RBFOX1: variants seen among roughly 807,000 people sequenced by gnomAD.
RBFOX1 encodes the protein RNA binding protein fox-1 homolog 1.
RBFOX1 carries 8 observed loss-of-function variants against 57.7 expected under a neutral mutation model. That is an observed-to-expected ratio of 0.14 (90% CI 0.08 to 0.25). The LOEUF is 0.25. Ranked by LOEUF, RBFOX1 falls within the 10% of genes least tolerant of loss-of-function variation. RBFOX1 has a pLI of 1.00. For missense variants in RBFOX1, 611 were observed against 548.5 expected, an observed-to-expected ratio of 1.11 and a Z score of -1.14; for synonymous variants, 326 against 222.4, an observed-to-expected ratio of 1.47 and a Z score of -4.15.
intron 1 of RBFOX1, among the ~76,000 whole-genome samples, chr16:5,432,559 G>GTTTTTT (rs35344614): frequency 6.4e-5 from 6 of 94,216 alleles, no homozygotes; most frequent in African/African-American, 1.6e-4. Context: ...TTGTTTGTTT[G>GTTTTTT]TTTTTTTTTT....
intron 3 of RBFOX1, among the ~76,000 whole-genome samples, chr16:5,863,310 A>G (rs1158039659): frequency 6.6e-6 from 1 of 152,208 alleles, no homozygotes; most frequent in East Asian, 1.9e-4. Flanking sequence ...GAAGTTTCCC[A>G]CGTCCGTTTT....
intron 2 of RBFOX1, among the ~76,000 whole-genome samples, chr16:6,554,535 A>G (rs866554655): frequency 6.6e-6 from 1 of 152,224 alleles, no homozygotes; most frequent in Non-Finnish European, 1.5e-5. Context: ...TTTATGGTTT[A>G]TGAACTCTAT....
At chr16:6,694,323 T>G (rs138059087) in intron 3 of RBFOX1, among the ~76,000 whole-genome samples, 4 of 152,320 alleles carry the variant, frequency 2.6e-5, no homozygotes, top group Non-Finnish European at 5.9e-5. Context: ...ATTTAAGAGA[T>G]TATCTGGCAT....
Position 7,411,981 on chromosome 16 carries a change from G to T in RBFOX1, c.28-106166G>T, listed in dbSNP as rs946820812. Among the ~76,000 whole-genome samples, 8 of 150,824 alleles carry T rather than the reference G, an allele frequency of 5.3e-5. No individual in the cohort carries two copies. In the East Asian group the frequency reaches 9.8e-4, roughly 19 times the overall value. On this transcript the variant is annotated intron_variant, in intron 4 of 15. Transcript: ENST00000550418. ...AAGAAGAAACTTCAGAGTCACGGCC[G>T]CCCAGATGCCATGTGGTGTCTCAGA...
chr16:7,216,633 G>C (rs1452641829), intron 4 of RBFOX1, among the ~76,000 whole-genome samples: 1 of 151,670 alleles, frequency 6.6e-6, no homozygotes, highest in East Asian at 2.0e-4. Flanking sequence ...ACTCCAGCCT[G>C]GGCAACAGAG....
chr16:5,471,302 G>A (rs867900725), intron 2 of RBFOX1, among the ~76,000 whole-genome samples: 4 of 152,170 alleles, frequency 2.6e-5, no homozygotes, highest in South Asian at 2.1e-4. Context: ...AGGAACCAGC[G>A]TATTGAAAAA....
chr16:6,266,542 C>T (rs1429373860), intron 1 of RBFOX1, among the ~76,000 whole-genome samples: 2 of 151,906 alleles, frequency 1.3e-5, no homozygotes, highest in African/African-American at 4.8e-5. Context: ...GGTGAAACCC[C>T]ATCTCTACTA....
chr16:5,311,398 T>C (rs1250418729), intron 1 of RBFOX1, among the ~76,000 whole-genome samples: 1 of 152,228 alleles, frequency 6.6e-6, no homozygotes, highest in East Asian at 1.9e-4. Context: ...TCATGACTTC[T>C]CTTTTGGGTG....
At chr16:6,551,782 C>T (rs1010920317) in intron 2 of RBFOX1, among the ~76,000 whole-genome samples, 6 of 152,178 alleles carry the variant, frequency 3.9e-5, no homozygotes, top group Admixed American at 2.0e-4. Flanking sequence ...CCTTTTCCAA[C>T]CGGGACGTCA....
chr16:7,230,030 A>AAGGAAGGGAGAGAGAGGG (rs2093405314), intron 4 of RBFOX1, among the ~76,000 whole-genome samples: 2 of 96,112 alleles, frequency 2.1e-5, no homozygotes, highest in Admixed American at 1.3e-4. Context: ...GAGGGGAAGG[A>AAGGAAGGGAGAGAGAGGG]AGGAAGGGAG....
At chr16:6,392,008 G>C (rs146001344) in intron 2 of RBFOX1, among the ~76,000 whole-genome samples, 3 of 152,188 alleles carry the variant, frequency 2.0e-5, no homozygotes, top group African/African-American at 4.8e-5. Flanking sequence ...ATTTTTCTAA[G>C]TGGAGAAGGA....
At chr16:6,448,684 C>G (rs902935477) in intron 2 of RBFOX1, among the ~76,000 whole-genome samples, 1 of 152,134 alleles carries the variant, frequency 6.6e-6, no homozygotes, top group African/African-American at 2.4e-5. Context: ...GCTGTCTACT[C>G]ATGAGACTGT....
At chr16:6,169,591 ATGAGGTACAGAAATTAGAAG>A (rs2096943177) in intron 1 of RBFOX1, among the ~76,000 whole-genome samples, 1 of 152,152 alleles carries the variant, frequency 6.6e-6, no homozygotes, top group Non-Finnish European at 1.5e-5. Flanking sequence ...AAAAAGGGAA[ATGAGGTACAGAAATTAGAAG>A]TGAGGTACAG....
intron 1 of RBFOX1, among the ~76,000 whole-genome samples, chr16:6,266,478 C>T (rs1240928766): frequency 1.3e-5 from 2 of 152,118 alleles, no homozygotes; most frequent in Non-Finnish European, 2.9e-5. Flanking sequence ...TTTTGGGTGG[C>T]CTAGGCAGGC....
At chr16:6,065,451 T>C (rs902829241) in intron 1 of RBFOX1, among the ~76,000 whole-genome samples, 4 of 152,186 alleles carry the variant, frequency 2.6e-5, no homozygotes, top group Admixed American at 6.5e-5. Flanking sequence ...GCTGGCTTTC[T>C]TCATGGTCAT....
At chr16:6,568,152 A>G (rs149800473) in intron 2 of RBFOX1, among the ~76,000 whole-genome samples, 1 of 152,208 alleles carries the variant, frequency 6.6e-6, no homozygotes, top group African/African-American at 2.4e-5. Flanking sequence ...TCCCAAAGTT[A>G]GCCTCTCAAA....
At chr16:6,254,791 A>G (rs1232451188) in intron 1 of RBFOX1, among the ~76,000 whole-genome samples, 2 of 152,178 alleles carry the variant, frequency 1.3e-5, no homozygotes, top group African/African-American at 4.8e-5. Context: ...TATACATGTG[A>G]AAGGAAATTC....
chr16:7,333,593 C>A (rs752054607), intron 4 of RBFOX1, among the ~76,000 whole-genome samples: 7 of 152,162 alleles, frequency 4.6e-5, no homozygotes. Flanking sequence ...CAAGAAGGAA[C>A]ACTCTATTGA....
At chr16:7,489,997 C>T (rs2151492472) in intron 4 of RBFOX1, among the ~76,000 whole-genome samples, 1 of 152,250 alleles carries the variant, frequency 6.6e-6, no homozygotes, top group East Asian at 1.9e-4. Flanking sequence ...CTCCAAAATG[C>T]TCCTTTTGAA....
Sources: allele counts gnomAD v4.1 joint callset (sites outside exome capture counted in the v4.1 genomes callset), GRCh38; gene constraint gnomAD v4.1.1; transcripts MANE v1.5; gene names NCBI Gene and HGNC (gene_info 2026-07-23, HGNC 2026-07-21).